TXNDC16: variants seen among roughly 807,000 people sequenced by gnomAD.
The protein encoded by TXNDC16 is thioredoxin domain containing 16.
In TXNDC16, 74 loss-of-function variants were observed where a neutral mutation model predicts 85.6. The ratio of observed to expected loss-of-function variants is 0.86; its 90% CI spans 0.72 to 1.05. The LOEUF (loss-of-function observed/expected upper bound fraction) is 1.05. Ranked by LOEUF, TXNDC16 falls within the 50% of genes least tolerant of loss-of-function variation. TXNDC16 has a pLI of 0.00. For synonymous variants in TXNDC16, 335 were observed against 326.5 expected (o/e 1.03, Z -0.28); for missense variants, 959 against 947.0 (o/e 1.01, Z -0.17).
intron 16 of TXNDC16, among the ~76,000 whole-genome samples, chr14:52,460,854 A>T (rs953353125): frequency 2.6e-5 from 4 of 152,158 alleles, no homozygotes; most frequent in Admixed American, 2.6e-4. Context: ...ATTACATGAA[A>T]TTTATGTGCA....
At chr14:52,451,105 T>C (rs1374156760) in intron 18 of TXNDC16, among the ~76,000 whole-genome samples, 1 of 151,672 alleles carries the variant, frequency 6.6e-6, no homozygotes, top group African/African-American at 2.4e-5. Flanking sequence ...ATAATGGGCA[T>C]TGGGGGCTTG....
intron 18 of TXNDC16, among the ~76,000 whole-genome samples, chr14:52,441,141 A>G (rs1176997086): frequency 6.6e-6 from 1 of 152,186 alleles, no homozygotes; most frequent in Non-Finnish European, 1.5e-5. Flanking sequence ...ATCATTACTT[A>G]ATAAATATAA....
At chr14:52,501,073 C>A (rs935660261) in intron 9 of TXNDC16, among the ~76,000 whole-genome samples, 2 of 152,128 alleles carry the variant, frequency 1.3e-5, no homozygotes, top group Non-Finnish European at 1.5e-5. Context: ...CTTAATAATA[C>A]ATCTAAAACA....
At chr14:52,517,611 G>A (rs1594748018) in intron 7 of TXNDC16, among the ~76,000 whole-genome samples, 1 of 152,048 alleles carries the variant, frequency 6.6e-6, no homozygotes, top group East Asian at 1.9e-4. Flanking sequence ...TACCAGAGAT[G>A]AACCTTCTGT....
chr14:52,495,442 C>G (rs1470814818), intron 9 of TXNDC16, among the ~76,000 whole-genome samples: 1 of 152,126 alleles, frequency 6.6e-6, no homozygotes, highest in African/African-American at 2.4e-5. Flanking sequence ...TATATGAAGT[C>G]ATATATCATC....
At chr14:52,525,367 T>C (rs2037304443) in intron 6 of TXNDC16, among the ~76,000 whole-genome samples, 1 of 151,618 alleles carries the variant, frequency 6.6e-6, no homozygotes, top group Non-Finnish European at 1.5e-5. Context: ...ATGAGGAAAA[T>C]AAATATAAAT....
intron 14 of TXNDC16, among the ~76,000 whole-genome samples, chr14:52,474,581 C>T (rs2035978538): frequency 2.0e-5 from 3 of 152,038 alleles, no homozygotes; most frequent in Admixed American, 2.0e-4. Flanking sequence ...AATACAAAAA[C>T]TAGCCAAGCA....
intron 18 of TXNDC16, among the ~76,000 whole-genome samples, chr14:52,447,555 G>A (rs1849158120): frequency 1.3e-5 from 2 of 152,140 alleles, no homozygotes; most frequent in African/African-American, 4.8e-5. Flanking sequence ...CCAGCCCCAG[G>A]TGGCTCAGAA....
intron 18 of TXNDC16, among the ~76,000 whole-genome samples, chr14:52,451,786 G>A (rs1346222784): frequency 6.6e-6 from 1 of 152,066 alleles, no homozygotes; most frequent in African/African-American, 2.4e-5. Context: ...AACGTGACAA[G>A]GATACCCACT....
At chr14:52,478,483 G>A (rs561454469) in intron 14 of TXNDC16, among the ~76,000 whole-genome samples, 4 of 152,092 alleles carry the variant, frequency 2.6e-5, no homozygotes, top group Non-Finnish European at 4.4e-5. Flanking sequence ...TATTAGAAAC[G>A]AAATGGGAGA....
intron 9 of TXNDC16, among the ~76,000 whole-genome samples, chr14:52,510,201 A>G (rs2036923544): frequency 6.6e-6 from 1 of 152,244 alleles, no homozygotes; most frequent in South Asian, 2.1e-4. Flanking sequence ...GGAAATAAAC[A>G]TATGAAGTTA....
chr14:52,484,953 C>CCAATAA (rs2036235547), intron 12 of TXNDC16, among the ~76,000 whole-genome samples: 1 of 152,050 alleles, frequency 6.6e-6, no homozygotes, highest in South Asian at 2.1e-4. Context: ...TAATAAAGGA[C>CCAATAA]TAGATTATTG....
At chr14:52,519,356 C>T in intron 6 of TXNDC16, 63 bp from the exon 7 acceptor site, 2 of 1,293,162 alleles carry the variant, frequency 1.5e-6, no homozygotes, top group Non-Finnish European at 2.1e-6. Context: ...CACCACACTT[C>T]TGTTAAAGAA....
intron 9 of TXNDC16, among the ~76,000 whole-genome samples, chr14:52,495,558 A>T (rs1364197842): frequency 1.3e-5 from 2 of 152,170 alleles, no homozygotes; most frequent in Non-Finnish European, 2.9e-5. Flanking sequence ...GGGTGACATG[A>T]TAAGGGGAGC....
At chr14:52,465,634 A>T (rs1171347774) in intron 16 of TXNDC16, among the ~76,000 whole-genome samples, 1 of 152,202 alleles carries the variant, frequency 6.6e-6, no homozygotes, top group South Asian at 2.1e-4. Flanking sequence ...TACCGACTCA[A>T]GAGGCCACCT....
chr14:52,482,394 G>C, intron 13 of TXNDC16, 105 bp from the exon 14 acceptor site: 3 of 926,302 alleles, frequency 3.2e-6, no homozygotes, highest in Non-Finnish European at 4.9e-6. Context: ...CAAAATTATT[G>C]TTAATCAGAA....
In TXNDC16 at chr14:52,465,740, T is replaced by A. The variant is rs77366873; in HGVS notation, c.1618+4297A>T. Among the ~76,000 whole-genome samples the A allele has an allele frequency of 2.5e-3, 381 of 152,228 alleles. 3 individuals are homozygous for A. Among genetic ancestry groups the A allele is most frequent in the Admixed American group, 4.6e-3 (71 of 15,298 alleles). On this transcript the variant is annotated intron_variant, in intron 16 of 20. Coordinates refer to ENST00000281741, the MANE Select transcript of TXNDC16 (RefSeq NM_020784.3). Reference sequence around the variant, plus strand: ...CCTTAAAAACTTATTGAAAGACACATTCCTGTGAAGCAAGAGATAAATAAA... The same window carrying A: ...CCTTAAAAACTTATTGAAAGACACAATCCTGTGAAGCAAGAGATAAATAAA...
chr14:52,440,609 AC>A lies in TXNDC16; in HGVS notation c.1957del (p.Val653Ter). On this transcript the variant is annotated frameshift_variant, in exon 19 of 21. Coordinates refer to ENST00000281741, the MANE Select transcript of TXNDC16 (RefSeq NM_020784.3). LOFTEE classifies it high-confidence loss of function. ...PQYKKAILTL[V>X]KQKYLDSFTP... ...AAATGAATCCAAGTATTTCTGCTTT[AC>A]CAGTGTCAATATTGCTTTTTTATAC... is the stretch of plus-strand genomic sequence containing the variant. 1.2e-6 allele frequency: 2 copies of A among 1,609,050 alleles called. No homozygotes were observed. Among genetic ancestry groups the A allele is most frequent in the Non-Finnish European group, 1.7e-6 (2 of 1,178,500 alleles).
intron 16 of TXNDC16, among the ~76,000 whole-genome samples, chr14:52,466,196 C>T (rs2035768589): frequency 6.7e-6 from 1 of 149,554 alleles, no homozygotes; most frequent in Non-Finnish European, 1.5e-5. Flanking sequence ...CCATGGCATA[C>T]AAAGAAAAAA....
Sources: gnomAD v4.1 joint callset for allele counts (sites outside exome capture counted in the v4.1 genomes callset) on GRCh38, gnomAD v4.1.1 for gene constraint, MANE v1.5 for transcripts, NCBI Gene and HGNC (gene_info 2026-07-23, HGNC 2026-07-21) for gene names.